MRPL1: variants seen among roughly 807,000 people sequenced by gnomAD.
MRPL1 encodes the protein large ribosomal subunit protein uL1m.
In MRPL1, 28 loss-of-function variants were observed where a neutral mutation model predicts 38.0. The observed-to-expected ratio is 0.74, with a 90% CI of 0.55 to 1.01. MRPL1 has a LOEUF of 1.01. Ranked by LOEUF, MRPL1 falls within the 50% of genes least tolerant of loss-of-function variation. The pLI is 0.00. For missense variants in MRPL1, 358 were observed against 389.8 expected, an observed-to-expected ratio of 0.92 and a Z score of 0.69; for synonymous variants, 123 against 126.7, an observed-to-expected ratio of 0.97 and a Z score of 0.20.
chr4:77,887,251 A>G lies in MRPL1; in HGVS notation c.518A>G (p.Asn173Ser). ...TCAGAGGTCAAAATAGCGGAAGAAA[A>G]TGGAGCTGCATTTGCAGGAGGCACT... ...NASEVKIAEE[N>S]GAAFAGGTSL... Residue 173 changes from asparagine to serine, a missense_variant, in exon 5 of 9, where the codon AAT (asparagine) becomes AGT (serine). Asn to Ser is a conservative substitution (Grantham distance 46). Coordinates refer to ENST00000315567, the MANE Select transcript of MRPL1 (RefSeq NM_020236.4). 1 of 1,614,046 alleles carries G rather than the reference A, an allele frequency of 6.2e-7. No individual in the cohort carries two copies. Among genetic ancestry groups the G allele is most frequent in the African/African-American group, 1.3e-5 (1 of 75,064 alleles).
intron 7 of MRPL1, among the ~76,000 whole-genome samples, chr4:77,946,526 A>G (rs1453405842): frequency 1.3e-5 from 2 of 152,224 alleles, no homozygotes; most frequent in African/African-American, 4.8e-5. Context: ...GAACTGATAA[A>G]TGTCCATGAA....
intron 7 of MRPL1, among the ~76,000 whole-genome samples, chr4:77,944,054 A>G (rs2110266540): frequency 6.6e-6 from 1 of 152,210 alleles, no homozygotes; most frequent in East Asian, 1.9e-4. Context: ...GCTGCTGTTC[A>G]GATTCTTTTG....
intron 5 of MRPL1, among the ~76,000 whole-genome samples, chr4:77,887,585 G>A (rs567194535): frequency 1.3e-5 from 2 of 152,232 alleles, no homozygotes; most frequent in Admixed American, 1.3e-4. Flanking sequence ...GAAGATGGTG[G>A]TGCAATTATG....
intron 2 of MRPL1, among the ~76,000 whole-genome samples, chr4:77,879,450 A>G (rs796589378): frequency 7.9e-5 from 12 of 152,242 alleles, no homozygotes; most frequent in African/African-American, 2.4e-4. Context: ...CCCAACTCAG[A>G]CTCTTTATGT....
rs188707623 is a variant in MRPL1, at chr4:77,883,900, C to T, written c.402+400C>T. Among the ~76,000 whole-genome samples the T allele has an allele frequency of 4.4e-4, 67 of 152,162 alleles. 1 individual carries two copies. In the East Asian group the frequency reaches 0.011, roughly 26 times the overall value. On this transcript the variant is annotated intron_variant, in intron 3 of 8. Coordinates refer to ENST00000315567, the MANE Select transcript of MRPL1 (RefSeq NM_020236.4). ...GCCTCTTAATTTTAAAAATTATTGC[C>T]TCTCATAATTTTTAGAAAACTTCAT...
chr4:77,877,945 T>C (rs1735440088), intron 2 of MRPL1, among the ~76,000 whole-genome samples: 1 of 152,184 alleles, frequency 6.6e-6, no homozygotes, highest in Admixed American at 6.5e-5. Context: ...TCTGCTTTGC[T>C]CCAGTCTTTC....
chr4:77,878,207 A>G lies in MRPL1; in HGVS notation c.144-5035A>G, dbSNP rs1333148803. On this transcript the variant is annotated intron_variant, in intron 2 of 8. Transcript: ENST00000315567. ...AGTCTCGCTCCGTCATGGGTTCAAG[A>G]AAAGTTGTGATTTTTATCGAGCTCT... 2.6e-5 allele frequency among the ~76,000 whole-genome samples: 4 copies of G among 152,284 alleles called. No individual in the cohort carries two copies. In the East Asian group the frequency reaches 7.7e-4, roughly 29 times the overall value.
At chr4:77,938,795 T>C (rs903206912) in intron 7 of MRPL1, among the ~76,000 whole-genome samples, 3 of 152,172 alleles carry the variant, frequency 2.0e-5, no homozygotes, top group African/African-American at 7.2e-5. Flanking sequence ...GGTATAAGCA[T>C]ATGCACCTAA....
intron 6 of MRPL1, among the ~76,000 whole-genome samples, chr4:77,895,744 T>C (rs1245865771): frequency 1.3e-5 from 2 of 152,154 alleles, no homozygotes; most frequent in East Asian, 3.8e-4. Context: ...AGAGTTTTGT[T>C]TATTTTTGAT....
intron 2 of MRPL1, among the ~76,000 whole-genome samples, chr4:77,875,446 G>T (rs1400514774): frequency 6.6e-6 from 1 of 151,848 alleles, no homozygotes; most frequent in Non-Finnish European, 1.5e-5. Context: ...ACCACTTGAG[G>T]TCAGGAGTTT....
intron 1 of MRPL1, among the ~76,000 whole-genome samples, chr4:77,867,095 T>C (rs1735164866): frequency 6.6e-6 from 1 of 152,168 alleles, no homozygotes; most frequent in South Asian, 2.1e-4. Flanking sequence ...ATACTTAAAA[T>C]TGCAAACCAC....
In MRPL1 at chr4:77,914,549, A is replaced by G. The variant is rs558940157; in HGVS notation, c.777+5177A>G. 1.1e-3 allele frequency among the ~76,000 whole-genome samples: 170 copies of G among 152,326 alleles called. 5 individuals are homozygous for G. In the South Asian group the frequency reaches 0.034, roughly 30 times the overall value. On this transcript the variant is annotated intron_variant, in intron 7 of 8. Transcript: ENST00000315567. ...GTTTTAGTTTTACAAAGTAGTAAAA[A>G]ACTGTACCATTGTATTATGCAAAAT...
At chr4:77,947,906 A>G (rs966629116) in intron 7 of MRPL1, among the ~76,000 whole-genome samples, 2 of 152,232 alleles carry the variant, frequency 1.3e-5, no homozygotes, top group Non-Finnish European at 2.9e-5. Flanking sequence ...GAATAAAAGT[A>G]TAAACTGTGT....
rs546521902 is a variant in MRPL1 at position 77,896,976 on chromosome 4, C to G, written c.670+2726C>G. Among the ~76,000 whole-genome samples, 5 of 152,218 alleles carry G rather than the reference C, an allele frequency of 3.3e-5. No individual in the cohort carries two copies. The South Asian group carries it at 1.0e-3, about 32-fold the overall frequency. Reference sequence around the variant, plus strand: ...AGTACCCTCTGTAATTCTTTCATCTCTAATATAGATATGTTTTGTTAATTA... The same window carrying G: ...AGTACCCTCTGTAATTCTTTCATCTGTAATATAGATATGTTTTGTTAATTA... On this transcript the variant is annotated intron_variant, in intron 6 of 8. Transcript: ENST00000315567.
intron 6 of MRPL1, chr4:77,906,848 C>T (rs72869567): frequency 6.3e-5 from 26 of 410,248 alleles, no homozygotes; most frequent in Non-Finnish European, 7.5e-5. Context: ...ACAATTTTAT[C>T]ATATTGTTTA....
chr4:77,906,075 A>G (rs1736151325), intron 6 of MRPL1, among the ~76,000 whole-genome samples: 1 of 152,200 alleles, frequency 6.6e-6, no homozygotes, highest in Non-Finnish European at 1.5e-5. Context: ...GGAGGTGTGC[A>G]TGGATAGGAT....
chr4:77,883,651 C>T (rs1378334881), intron 3 of MRPL1, 151 bp downstream of exon 3: 1 of 724,636 alleles, frequency 1.4e-6, no homozygotes, highest in Non-Finnish European at 2.1e-6. Flanking sequence ...GATCTCAGCT[C>T]ACTGCAGACT....
At chr4:77,886,486 C>T (rs562318624) in intron 4 of MRPL1, among the ~76,000 whole-genome samples, 19 of 152,004 alleles carry the variant, frequency 1.2e-4, no homozygotes, top group Admixed American at 2.6e-4. Context: ...AGGCATGCAC[C>T]ACCACACCTG....
intron 7 of MRPL1, among the ~76,000 whole-genome samples, chr4:77,948,460 TTTTA>T (rs1737325293): frequency 6.6e-6 from 1 of 152,186 alleles, no homozygotes; most frequent in Non-Finnish European, 1.5e-5. Flanking sequence ...TAAGCATTGC[TTTTA>T]TTTTTTTTCC....
Sources: gnomAD v4.1 joint callset for allele counts (sites outside exome capture counted in the v4.1 genomes callset) on GRCh38, gnomAD v4.1.1 for gene constraint, MANE v1.5 for transcripts, NCBI Gene and HGNC (gene_info 2026-07-23, HGNC 2026-07-21) for gene names.